The following SOCS5 variants were observed in gnomAD, a reference collection of about 807,000 sequenced individuals.
SOCS5 encodes the protein suppressor of cytokine signaling 5, also known as CIS-6.
A neutral mutation model predicts 42.8 loss-of-function variants in SOCS5; 32 were observed. That is an observed-to-expected ratio of 0.75 (90% confidence interval 0.56 to 1.01). The LOEUF (loss-of-function observed/expected upper bound fraction) is 1.01. SOCS5 is among the 50% of genes least tolerant of loss of function. The pLI, the probability that SOCS5 is intolerant of heterozygous loss-of-function variation, is 0.00. For missense variants in SOCS5, 627 were observed against 653.0 expected (o/e 0.96, Z 0.43); for synonymous variants, 283 against 229.6 (o/e 1.23, Z -2.10).
intron 1 of SOCS5, among the ~76,000 whole-genome samples, chr2:46,749,538 A>G (rs886837676): frequency 6.6e-6 from 1 of 152,202 alleles, no homozygotes; most frequent in Non-Finnish European, 1.5e-5. Flanking sequence ...AGTATATTAC[A>G]TAAGATATTT....
intron 1 of SOCS5, among the ~76,000 whole-genome samples, chr2:46,701,442 C>T (rs529837364): frequency 3.8e-4 from 58 of 152,250 alleles, no homozygotes; most frequent in African/African-American, 1.4e-3. Flanking sequence ...AACCAAGGCC[C>T]AGAGCAGTTG....
intron 1 of SOCS5, among the ~76,000 whole-genome samples, chr2:46,703,677 T>C (rs567003503): frequency 6.6e-6 from 1 of 152,366 alleles, no homozygotes; most frequent in African/African-American, 2.4e-5. Context: ...TGGACTGTTA[T>C]TCATATTTAA....
At chr2:46,714,907 T>A (rs961653918) in intron 1 of SOCS5, among the ~76,000 whole-genome samples, 1 of 152,224 alleles carries the variant, frequency 6.6e-6, no homozygotes, top group Non-Finnish European at 1.5e-5. Context: ...AATTTTTTTT[T>A]ATTGGCGGCC....
At position 46,746,370 on chromosome 2, in the gene SOCS5, A is replaced by G. The variant is rs373943873; in HGVS notation, c.-12-12149A>G. ...CTCCTTTGGAGTATAGAAATATTCC[A>G]TCAGGGCCGGGTGGCTCACGCCTGT... On this transcript the variant is annotated intron_variant, in intron 1 of 1. Transcript: ENST00000394861. Among the ~76,000 whole-genome samples, 79 of 152,192 alleles carry G rather than the reference A, an allele frequency of 5.2e-4. 1 individual carries two copies. Among genetic ancestry groups the G allele is most frequent in the African/African-American group, 1.6e-3 (65 of 41,516 alleles).
At chr2:46,717,160 C>T (rs1672765894) in intron 1 of SOCS5, among the ~76,000 whole-genome samples, 1 of 152,166 alleles carries the variant, frequency 6.6e-6, no homozygotes. Flanking sequence ...GTAACTTCTT[C>T]CTTTGTGGTT....
rs947081929 is a variant in SOCS5, at chr2:46,758,500, T to C, written c.-12-19T>C. ...ACTTTGATTAATTTATTTTTCTCTT[T>C]TTGCTGTTTTGTCTTTAGATTTTAT... On this transcript the variant is annotated intron_variant, in intron 1 of 1. Coordinates refer to ENST00000394861, the MANE Select transcript of SOCS5 (RefSeq NM_144949.3). 6.6e-7 allele frequency: 1 copy of C among 1,514,922 alleles called. No individual in the cohort carries two copies. Among genetic ancestry groups the C allele is most frequent in the Admixed American group, 2.0e-5 (1 of 50,306 alleles). 93.8% of individuals were successfully genotyped at this position (1,514,922 alleles called of 1,614,324 possible).
chr2:46,707,967 G>T (rs1332539786), intron 1 of SOCS5, among the ~76,000 whole-genome samples: 1 of 152,186 alleles, frequency 6.6e-6, no homozygotes, highest in Admixed American at 6.5e-5. Context: ...ATAATAAAGT[G>T]TTGAATATCT....
rs562397907 is a variant in SOCS5, at chr2:46,753,364, G to T, written c.-12-5155G>T. ...TGGTACTACTACAAATTTTAATTAT[G>T]ATTGTTAAGGAAGGCTTATCTGATT... On this transcript the variant is annotated intron_variant, in intron 1 of 1. Transcript: ENST00000394861. Among the ~76,000 whole-genome samples the T allele has an allele frequency of 8.3e-4, 127 of 152,270 alleles. 1 individual carries two copies. The highest frequency in any genetic ancestry group is 1.4e-3 in the Non-Finnish European group (96 of 68,022).
At chr2:46,728,312 A>G (rs980917912) in intron 1 of SOCS5, among the ~76,000 whole-genome samples, 1 of 152,172 alleles carries the variant, frequency 6.6e-6, no homozygotes, top group African/African-American at 2.4e-5. Flanking sequence ...TCAGTAGGAG[A>G]GACAGGATGG....
intron 1 of SOCS5, among the ~76,000 whole-genome samples, chr2:46,750,053 A>C (rs566846091): frequency 6.6e-6 from 1 of 152,290 alleles, no homozygotes; most frequent in East Asian, 1.9e-4. Context: ...TATTATCGTC[A>C]TTGTACCAAG....
At chr2:46,755,746 G>T (rs896949783) in intron 1 of SOCS5, among the ~76,000 whole-genome samples, 4 of 151,906 alleles carry the variant, frequency 2.6e-5, no homozygotes, top group African/African-American at 9.7e-5. Flanking sequence ...GATCTCAAAG[G>T]GTTTCAGCTC....
chr2:46,726,456 C>G (rs1348875560), intron 1 of SOCS5, among the ~76,000 whole-genome samples: 1 of 152,108 alleles, frequency 6.6e-6, no homozygotes, highest in Non-Finnish European at 1.5e-5. Flanking sequence ...TACACTGTAT[C>G]TTTTACTAAC....
rs1231908365 is a variant in SOCS5, at chr2:46,715,382, AAAAG to A, written c.-13+15937_-13+15940del. 1.6e-3 allele frequency among the ~76,000 whole-genome samples: 244 copies of A among 151,892 alleles called. 1 individual carries two copies. The highest frequency in any genetic ancestry group is 3.0e-3 in the Non-Finnish European group (204 of 67,942). ...GAGTAACACCCTGTCAAAAAAAAAA[AAAAG>A]AAAAGAAAAAAGAAAAATGTCTTTA... On this transcript the variant is annotated intron_variant, in intron 1 of 1. Transcript: ENST00000394861.
chr2:46,747,449 C>A (rs1673528130), intron 1 of SOCS5, among the ~76,000 whole-genome samples: 1 of 152,152 alleles, frequency 6.6e-6, no homozygotes, highest in African/African-American at 2.4e-5. Flanking sequence ...CTCCTGGGCT[C>A]AAGCAGTCTG....
chr2:46,738,088 T>TTG (rs1673293137), intron 1 of SOCS5, among the ~76,000 whole-genome samples: 1 of 152,112 alleles, frequency 6.6e-6, no homozygotes, highest in Non-Finnish European at 1.5e-5. Flanking sequence ...AAAATTAGAA[T>TTG]TGAATGGTAG....
chr2:46,717,834 TGCTTACAA>T, intron 1 of SOCS5, among the ~76,000 whole-genome samples: 1 of 152,354 alleles, frequency 6.6e-6, no homozygotes, highest in Admixed American at 6.5e-5. Flanking sequence ...CCCGGACCTG[TGCTTACAA>T]GCTTAGGTAG....
At chr2:46,729,440 C>T (rs1032409746) in intron 1 of SOCS5, among the ~76,000 whole-genome samples, 12 of 152,282 alleles carry the variant, frequency 7.9e-5, no homozygotes, top group Non-Finnish European at 1.6e-4. Context: ...GATGGTATAG[C>T]GTACTATACA....
intron 1 of SOCS5, among the ~76,000 whole-genome samples, chr2:46,741,721 A>G (rs1312926516): frequency 1.3e-5 from 2 of 152,258 alleles, no homozygotes; most frequent in East Asian, 3.9e-4. Context: ...TGCCCCAGAA[A>G]CATGGTTTTT....
intron 1 of SOCS5, among the ~76,000 whole-genome samples, chr2:46,716,293 C>T (rs1672740821): frequency 6.9e-6 from 1 of 144,800 alleles, no homozygotes; most frequent in Non-Finnish European, 1.5e-5. Flanking sequence ...ATTTCTTGGT[C>T]CTTATTGTAG....
Sources: gnomAD v4.1 joint callset for allele counts (sites outside exome capture counted in the v4.1 genomes callset) on GRCh38, gnomAD v4.1.1 for gene constraint, MANE v1.5 for transcripts, NCBI Gene and HGNC (gene_info 2026-07-23, HGNC 2026-07-21) for gene names.